MARCHF3: variants seen among roughly 807,000 people sequenced by gnomAD.
MARCHF3 encodes E3 ubiquitin-protein ligase MARCHF3.
MARCHF3 carries 13 observed loss-of-function variants against 24.2 expected under a neutral mutation model. The observed-to-expected ratio is 0.54, with a 90% CI of 0.35 to 0.85. MARCHF3 has a LOEUF of 0.85. Among genes scored for constraint, MARCHF3 ranks in the 40% least tolerant of loss-of-function variants. The pLI, the probability that MARCHF3 is intolerant of heterozygous loss-of-function variation, is 0.01. For missense variants in MARCHF3, 276 were observed against 325.0 expected, an observed-to-expected ratio of 0.85 and a Z score of 1.16; for synonymous variants, 144 against 137.3, an observed-to-expected ratio of 1.05 and a Z score of -0.34.
intron 1 of MARCHF3, among the ~76,000 whole-genome samples, chr5:126,932,673 C>T (rs1406436192): frequency 6.6e-6 from 1 of 152,212 alleles, no homozygotes; most frequent in Non-Finnish European, 1.5e-5. Context: ...TAAAATACAG[C>T]ATCAGTACAA....
intron 1 of MARCHF3, among the ~76,000 whole-genome samples, chr5:126,980,623 C>T (rs779638264): frequency 3.3e-5 from 5 of 152,136 alleles, no homozygotes; most frequent in Non-Finnish European, 5.9e-5. Flanking sequence ...CCCGCCCCAG[C>T]CTCCCAAAGT....
chr5:126,945,796 G>A (rs1050739996), intron 1 of MARCHF3, among the ~76,000 whole-genome samples: 1 of 152,182 alleles, frequency 6.6e-6, no homozygotes, highest in Non-Finnish European at 1.5e-5. Context: ...AACCTCATCT[G>A]TAAAATGGGA....
chr5:126,874,058 G>A (rs1428025498), intron 4 of MARCHF3, among the ~76,000 whole-genome samples: 5 of 152,220 alleles, frequency 3.3e-5, no homozygotes, highest in African/African-American at 1.2e-4. Flanking sequence ...TTAAATTTTT[G>A]AGTTTAGGAG....
intron 3 of MARCHF3, among the ~76,000 whole-genome samples, chr5:126,895,161 C>G (rs1310707196): frequency 6.6e-6 from 1 of 152,090 alleles, no homozygotes; most frequent in African/African-American, 2.4e-5. Flanking sequence ...TCAGCTCCAT[C>G]AGCTCCTTTA....
At chr5:126,879,302 A>G (rs1753273884) in intron 3 of MARCHF3, among the ~76,000 whole-genome samples, 1 of 152,186 alleles carries the variant, frequency 6.6e-6, no homozygotes, top group South Asian at 2.1e-4. Context: ...TAAGTATAAC[A>G]GTTTTTTCTG....
At chr5:126,948,368 C>T (rs553551557) in intron 1 of MARCHF3, among the ~76,000 whole-genome samples, 9 of 152,264 alleles carry the variant, frequency 5.9e-5, no homozygotes, top group African/African-American at 1.4e-4. Context: ...TCTGCAAATA[C>T]GTAGCCCTCC....
chr5:127,025,918 G>A lies in MARCHF3; in HGVS notation c.-57+4432C>T, dbSNP rs180978954. 1.6e-3 allele frequency among the ~76,000 whole-genome samples: 251 copies of A among 152,242 alleles called. 4 individuals carry two copies. The South Asian group carries it at 0.025, about 15-fold the overall frequency. ...TGGGAACTTAAGGGGGCATTTCGGA[G>A]GAGAAATGGTAAAATGGCTAAAATG... On this transcript the variant is annotated intron_variant, in intron 1 of 4. Coordinates refer to ENST00000308660, the MANE Select transcript of MARCHF3 (RefSeq NM_178450.5).
chr5:127,002,432 A>T (rs1298227867), intron 1 of MARCHF3, among the ~76,000 whole-genome samples: 1 of 152,208 alleles, frequency 6.6e-6, no homozygotes, highest in African/African-American at 2.4e-5. Flanking sequence ...TCTTTCATTG[A>T]AAAAAACTGA....
At chr5:126,972,877 T>C (rs1735047840) in intron 1 of MARCHF3, among the ~76,000 whole-genome samples, 1 of 152,228 alleles carries the variant, frequency 6.6e-6, no homozygotes, top group Non-Finnish European at 1.5e-5. Context: ...ACTCCAGCAA[T>C]GGAGAAAAAT....
chr5:126,989,529 G>A (rs1053695850), intron 1 of MARCHF3, among the ~76,000 whole-genome samples: 1 of 151,924 alleles, frequency 6.6e-6, no homozygotes, highest in African/African-American at 2.4e-5. Context: ...AATCTTGTTC[G>A]TGTCTAAGTG....
At chr5:126,886,901 TC>T (rs1276101625) in intron 3 of MARCHF3, among the ~76,000 whole-genome samples, 16 of 152,136 alleles carry the variant, frequency 1.1e-4, no homozygotes, top group African/African-American at 3.9e-4. Context: ...TCCCCCTATA[TC>T]CAGTCTATCA....
chr5:126,918,130 TGGCAGGACTTCG>T lies in MARCHF3; in HGVS notation c.30_41del (p.Glu11_Pro14del). ...CGGGTGCAGCTGAGCTGGTGCAGTC[TGGCAGGACTTCG>T]GGCAGGTGACTGCAGCGGCTGGTTG... On this transcript the variant is annotated inframe_deletion, in exon 2 of 5. Transcript: ENST00000308660. 6.2e-7 allele frequency: 1 copy of T among 1,614,164 alleles called. No individual in the cohort carries two copies. Among genetic ancestry groups the T allele is most frequent in the Non-Finnish European group, 8.5e-7 (1 of 1,180,042 alleles).
intron 3 of MARCHF3, among the ~76,000 whole-genome samples, chr5:126,903,526 C>CCAG (rs1754175895): frequency 6.6e-6 from 1 of 152,004 alleles, no homozygotes; most frequent in African/African-American, 2.4e-5. Context: ...AAAGTGAATG[C>CCAG]TCTGAAACCA....
At chr5:126,893,016 G>C (rs1421720940) in intron 3 of MARCHF3, among the ~76,000 whole-genome samples, 1 of 151,846 alleles carries the variant, frequency 6.6e-6, no homozygotes, top group East Asian at 1.9e-4. Flanking sequence ...GTTGAGTCTT[G>C]GGAGGGTGTA....
chr5:126,981,454 C>T (rs1751392462), intron 1 of MARCHF3, among the ~76,000 whole-genome samples: 2 of 152,142 alleles, frequency 1.3e-5, no homozygotes, highest in Non-Finnish European at 2.9e-5. Flanking sequence ...CTTAGTAAGA[C>T]GAGTCTTCTG....
At chr5:126,905,555 G>A (rs1410486545) in intron 3 of MARCHF3, among the ~76,000 whole-genome samples, 1 of 151,638 alleles carries the variant, frequency 6.6e-6, no homozygotes, top group Non-Finnish European at 1.5e-5. Flanking sequence ...GGATTCCTAG[G>A]TATTTTATTC....
chr5:127,027,004 A>C (rs1753019872), intron 1 of MARCHF3, among the ~76,000 whole-genome samples: 1 of 152,234 alleles, frequency 6.6e-6, no homozygotes, highest in African/African-American at 2.4e-5. Flanking sequence ...GTAACTTCTG[A>C]TAGATCCTTT....
In MARCHF3 at chr5:126,870,088, A is replaced by T. The variant is rs1295650664; in HGVS notation, c.*545T>A. The T allele has an allele frequency of 6.6e-6, 1 of 152,626 alleles. No individual in the cohort carries two copies. Among genetic ancestry groups the T allele is most frequent in the Non-Finnish European group, 1.5e-5 (1 of 68,044 alleles). The allele number at this position is 152,626 out of a possible 1,614,324, so 9.5% of individuals were successfully genotyped here. ...AAATATGACTTGTTCTGCATCTGTT[A>T]TGCTGTCTCCTTGAGTAATGGACGC... On this transcript the variant is annotated 3_prime_UTR_variant, in exon 5 of 5. Coordinates refer to ENST00000308660, the MANE Select transcript of MARCHF3 (RefSeq NM_178450.5).
chr5:126,885,563 A>T (rs1460136788), intron 3 of MARCHF3, among the ~76,000 whole-genome samples: 3 of 152,080 alleles, frequency 2.0e-5, no homozygotes, highest in African/African-American at 2.4e-5. Flanking sequence ...GTGTTGATTT[A>T]AAAAAAATCT....
Sources: gnomAD v4.1 joint callset for allele counts (sites outside exome capture counted in the v4.1 genomes callset) on GRCh38, gnomAD v4.1.1 for gene constraint, MANE v1.5 for transcripts, NCBI Gene and HGNC (gene_info 2026-07-23, HGNC 2026-07-21) for gene names.